The following ASS1 variants were observed in gnomAD, a reference collection of about 807,000 sequenced individuals.
The protein encoded by ASS1 is argininosuccinate synthase 1, also known as argininosuccinate synthase.
ASS1 carries 58 observed loss-of-function variants against 60.5 expected under a neutral mutation model. The ratio of observed to expected loss-of-function variants is 0.96; its 90% CI spans 0.78 to 1.19. The LOEUF (loss-of-function observed/expected upper bound fraction) is 1.19. ASS1 is among the 50% of genes most tolerant of loss of function. The pLI, the probability that ASS1 is intolerant of heterozygous loss-of-function variation, is 0.00. For missense variants in ASS1, 454 were observed against 547.3 expected (o/e 0.83, Z 1.70); for synonymous variants, 200 against 206.9 (o/e 0.97, Z 0.29).
chr9:130,500,952 C>T (rs760295970), intron 14 of ASS1, 24 bp from the exon 15 acceptor site: 4 of 1,611,980 alleles, frequency 2.5e-6, no homozygotes, highest in South Asian at 2.2e-5. Context: ...TTACATTTTT[C>T]TTTGTTTTGA....
At chr9:130,462,816 G>C (rs1372970218) in intron 4 of ASS1, among the ~76,000 whole-genome samples, 2 of 152,202 alleles carry the variant, frequency 1.3e-5, no homozygotes, top group African/African-American at 4.8e-5. Flanking sequence ...CTGCTCAAAG[G>C]ATTCAGTGAG....
At chr9:130,486,380 C>T (rs1179021604) in intron 11 of ASS1, among the ~76,000 whole-genome samples, 1 of 152,148 alleles carries the variant, frequency 6.6e-6, no homozygotes, top group Non-Finnish European at 1.5e-5. Context: ...TGTGAGCCCC[C>T]GCATACCTGG....
chr9:130,481,891 C>T (rs1846183620), intron 11 of ASS1, among the ~76,000 whole-genome samples: 1 of 152,202 alleles, frequency 6.6e-6, no homozygotes, highest in Non-Finnish European at 1.5e-5. Context: ...TACTAATTAG[C>T]TGCTCCTTTT....
intron 4 of ASS1, among the ~76,000 whole-genome samples, chr9:130,460,252 C>T (rs916762936): frequency 1.3e-5 from 2 of 152,164 alleles, no homozygotes; most frequent in Non-Finnish European, 2.9e-5. Context: ...TGAGGGTGGC[C>T]TGGGAGACAG....
At chr9:130,457,237 C>T (rs371999244) in intron 3 of ASS1, among the ~76,000 whole-genome samples, 7 of 152,242 alleles carry the variant, frequency 4.6e-5, no homozygotes, top group East Asian at 3.9e-4. Flanking sequence ...AGGGCTTCCT[C>T]GCTATGTGAT....
intron 8 of ASS1, among the ~76,000 whole-genome samples, chr9:130,473,909 C>T (rs1219072662): frequency 2.6e-5 from 4 of 152,116 alleles, no homozygotes; most frequent in Admixed American, 2.0e-4. Context: ...TTTGCGGCAT[C>T]GATCATGCCT....
intron 8 of ASS1, among the ~76,000 whole-genome samples, chr9:130,475,198 T>TGTA (rs1444090211): frequency 1.3e-5 from 2 of 152,190 alleles, no homozygotes; most frequent in Non-Finnish European, 2.9e-5. Flanking sequence ...AAGGCACTTA[T>TGTA]GTAGCCCCAT....
chr9:130,464,212 A>T, intron 5 of ASS1, 45 bp downstream of exon 5: 1 of 1,590,360 alleles, frequency 6.3e-7, no homozygotes, highest in Non-Finnish European at 8.6e-7. Flanking sequence ...TAGCATCTGC[A>T]GCACCTGATG....
chr9:130,458,717 C>T (rs1269378089), intron 4 of ASS1, 128 bp downstream of exon 4: 3 of 1,311,870 alleles, frequency 2.3e-6, no homozygotes, highest in East Asian at 2.5e-5. Context: ...AGCTACATGG[C>T]TTTGTTTAGA....
chr9:130,461,328 C>CA (rs1845586182), intron 4 of ASS1, among the ~76,000 whole-genome samples: 1 of 152,208 alleles, frequency 6.6e-6, no homozygotes, highest in South Asian at 2.1e-4. Context: ...GTGTGCGCCC[C>CA]TCCTCCATGT....
chr9:130,472,854 C>A (rs1228368198), intron 8 of ASS1, among the ~76,000 whole-genome samples: 1 of 152,226 alleles, frequency 6.6e-6, no homozygotes, highest in East Asian at 1.9e-4. Flanking sequence ...GCATGCTGGG[C>A]AACCACTCCC....
chr9:130,466,771 G>C lies in ASS1; in HGVS notation c.467G>C (p.Gly156Ala). Residue 156 changes from glycine to alanine, a missense_variant, in exon 6 of 15, where the codon GGC becomes GCC. By Grantham distance (60) the Gly-to-Ala change is moderately conservative. Coordinates refer to ENST00000352480, the MANE Select transcript of ASS1 (RefSeq NM_054012.4). Reference sequence around the variant, plus strand: ...CCTGAATTCTACAACCGGTTCAAGGGCCGCAATGACCTGATGGAGTACGCA... The same window carrying C: ...CCTGAATTCTACAACCGGTTCAAGGCCCGCAATGACCTGATGGAGTACGCA... ...RMPEFYNRFK[G>A]RNDLMEYAKQ... 1 of 1,614,134 alleles carries C rather than the reference G, an allele frequency of 6.2e-7. No homozygotes were observed. Among genetic ancestry groups the C allele is most frequent in the Non-Finnish European group, 8.5e-7 (1 of 1,180,030 alleles).
chr9:130,448,673 C>T (rs761554393), intron 1 of ASS1, among the ~76,000 whole-genome samples: 2 of 152,212 alleles, frequency 1.3e-5, no homozygotes, highest in Non-Finnish European at 2.9e-5. Flanking sequence ...AAGCGATTCT[C>T]GTGCCTCAGC....
intron 5 of ASS1, 89 bp from the exon 6 acceptor site, chr9:130,466,636 C>T: frequency 7.5e-7 from 1 of 1,339,332 alleles, no homozygotes; most frequent in Non-Finnish European, 1.1e-6. Context: ...CCATGGGCCC[C>T]TCCCAGGAGA....
intron 1 of ASS1, among the ~76,000 whole-genome samples, chr9:130,449,390 A>T (rs1472157970): frequency 6.7e-6 from 1 of 149,406 alleles, no homozygotes; most frequent in African/African-American, 2.5e-5. Flanking sequence ...GGCAGGAGGC[A>T]TGGCGGGTCA....
chr9:130,480,284 T>C (rs565859895), intron 10 of ASS1, 101 bp from the exon 11 acceptor site: 1 of 1,262,976 alleles, frequency 7.9e-7, no homozygotes, highest in Admixed American at 1.7e-5. Context: ...TGCTGCCTAA[T>C]GTGTGGCCTA....
In ASS1 at chr9:130,471,470, C is replaced by T. The variant is rs761420352; in HGVS notation, c.567-15C>T. 1.2e-6 allele frequency: 2 copies of T among 1,614,108 alleles called. No individual in the cohort carries two copies. The highest frequency in any genetic ancestry group is 2.2e-5 in the South Asian group (2 of 91,070). ...CCCTCCCCAGCTGACCCTGTCTTTCCTTTCCCCTCCGCAGCTACGAGGCTG... is the reference window on the plus strand; with the variant it reads ...CCCTCCCCAGCTGACCCTGTCTTTCTTTTCCCCTCCGCAGCTACGAGGCTG... On this transcript the variant is annotated splice_polypyrimidine_tract_variant and intron_variant, in intron 7 of 14. Coordinates refer to ENST00000352480, the MANE Select transcript of ASS1 (RefSeq NM_054012.4).
Position 130,454,297 on chromosome 9 carries a change from C to T in ASS1, c.106-8C>T, listed in dbSNP as rs1268817310. The T allele has an allele frequency of 1.2e-6, 2 of 1,609,796 alleles. No individual in the cohort carries two copies. On this transcript the variant is annotated splice_polypyrimidine_tract_variant and splice_region_variant and intron_variant, in intron 2 of 14. Coordinates refer to ENST00000352480, the MANE Select transcript of ASS1 (RefSeq NM_054012.4). ...GGCTGACGGAGCCTCTCCGCTTCTG[C>T]TTCTCAGGCCAACATTGGCCAGAAG...
In ASS1 at chr9:130,458,454, C is replaced by G. The variant is rs1220196767; in HGVS notation, c.228C>G (p.Ala76=). 6.2e-7 allele frequency: 1 copy of G among 1,612,064 alleles called. No individual in the cohort carries two copies. ...TTGTGGAGGAGTTCATCTGGCCGGCCATCCAGTCCAGCGCACTGTATGAGG... is the reference window on the plus strand; with the variant it reads ...TTGTGGAGGAGTTCATCTGGCCGGCGATCCAGTCCAGCGCACTGTATGAGG... The part of the protein sequence containing the change: ...REFVEEFIWP[A]IQSSALYEDR... Residue 76 remains alanine, a synonymous_variant, in exon 4 of 15, where the codon GCC becomes GCG. Coordinates refer to ENST00000352480, the MANE Select transcript of ASS1 (RefSeq NM_054012.4).
Sources: gnomAD v4.1 joint callset for allele counts (sites outside exome capture counted in the v4.1 genomes callset) on GRCh38, gnomAD v4.1.1 for gene constraint, MANE v1.5 for transcripts, NCBI Gene and HGNC (gene_info 2026-07-23, HGNC 2026-07-21) for gene names.